Variants in VPS13B observed in about 807,000 individuals in gnomAD.
VPS13B encodes intermembrane lipid transfer protein VPS13B.
Under a neutral mutation model 426.4 loss-of-function variants are expected in VPS13B, and 285 were observed. The ratio of observed to expected loss-of-function variants is 0.67; its 90% CI spans 0.61 to 0.74. VPS13B has a LOEUF of 0.74. Ranked by LOEUF, VPS13B falls within the 30% of genes least tolerant of loss-of-function variation. The pLI is 0.00. For synonymous variants in VPS13B, 1,676 were observed against 1,676.4 expected (o/e 1.00, Z 0.01); for missense variants, 4,537 against 4,782.6 (o/e 0.95, Z 1.51).
rs976129659 is a variant in VPS13B at position 99,577,619 on chromosome 8, A to G, written c.5206A>G (p.Asn1736Asp). 1 of 1,613,594 alleles carries G rather than the reference A, an allele frequency of 6.2e-7. No homozygotes were observed. Among genetic ancestry groups the G allele is most frequent in the African/African-American group, 1.3e-5 (1 of 74,918 alleles). Reference sequence around the variant, plus strand: ...AAATATGACTGGACTGGAACCATCAAACAAGGCTGCAGAGGTAACTGTTAC... The same window carrying G: ...AAATATGACTGGACTGGAACCATCAGACAAGGCTGCAGAGGTAACTGTTAC... ...VANMTGLEPS[N>D]KAAEISKQEQ... The change falls in exon 33 of 62, where the codon AAC becomes GAC. Residue 1736 changes from asparagine to aspartate, a missense_variant. By Grantham distance (23) the Asn-to-Asp change is conservative (BLOSUM62 1). Around this residue, in one of 2 missense-constraint regions of VPS13B, gnomAD observed 4,311 missense variants for 4,474.3 expected, o/e 0.96. Transcript: ENST00000357162.
In VPS13B at chr8:99,667,671, C is replaced by T. The variant is rs192917126; in HGVS notation, c.6046+6180C>T. Among the ~76,000 whole-genome samples, 4 of 152,222 alleles carry T rather than the reference C, an allele frequency of 2.6e-5. 1 individual carries two copies. The highest frequency in any genetic ancestry group is 2.6e-4 in the Admixed American group (4 of 15,290). Reference sequence around the variant, plus strand: ...TAGAGTAGATAAGTAGATGTTATTTCATAGAGTAATTATATTGTCTCACTA... The same window carrying T: ...TAGAGTAGATAAGTAGATGTTATTTTATAGAGTAATTATATTGTCTCACTA... On this transcript the variant is annotated intron_variant, in intron 35 of 61. Transcript: ENST00000357162.
chr8:99,117,256 A>G (rs1847705758), intron 7 of VPS13B, among the ~76,000 whole-genome samples: 1 of 152,210 alleles, frequency 6.6e-6, no homozygotes, highest in Non-Finnish European at 1.5e-5. Context: ...ACCACTTCAC[A>G]GGTACTAGAT....
intron 2 of VPS13B, among the ~76,000 whole-genome samples, chr8:99,028,508 C>T (rs1434490196): frequency 3.4e-5 from 2 of 58,452 alleles, no homozygotes; most frequent in East Asian, 7.6e-4. Flanking sequence ...GGCGGCTGGC[C>T]GGGCGGGGGG....
At chr8:99,353,704 T>A (rs11998086) in intron 19 of VPS13B, among the ~76,000 whole-genome samples, 1 of 152,156 alleles carries the variant, frequency 6.6e-6, no homozygotes, top group African/African-American at 2.4e-5. Context: ...CTGCTTATTG[T>A]CATTCCATTT....
intron 44 of VPS13B, among the ~76,000 whole-genome samples, chr8:99,813,791 CAAT>C (rs1022228702): frequency 6.6e-6 from 1 of 152,158 alleles, no homozygotes; most frequent in Non-Finnish European, 1.5e-5. Context: ...ATTAAAACAA[CAAT>C]GACATTTAAT....
rs192184712 is a variant in VPS13B, at chr8:99,842,029, C to T, written c.9942+6291C>T. ...CCTGTTCCCCCTCTACAGGCCAGGG[C>T]TCAATCACCTCTTCCCGCCTTTCAA... is the stretch of plus-strand genomic sequence containing the variant. On this transcript the variant is annotated intron_variant, in intron 54 of 61. Coordinates refer to ENST00000357162, the MANE Select transcript of VPS13B (RefSeq NM_152564.5). Among the ~76,000 whole-genome samples the T allele has an allele frequency of 3.2e-3, 481 of 152,316 alleles. 3 individuals carry two copies. Among genetic ancestry groups the T allele is most frequent in the African/African-American group, 0.011 (454 of 41,566 alleles).
chr8:99,046,721 A>G (rs1048935085), intron 3 of VPS13B, among the ~76,000 whole-genome samples: 2 of 152,142 alleles, frequency 1.3e-5, no homozygotes, highest in Non-Finnish European at 2.9e-5. Context: ...TGTTACTTGT[A>G]TGCCAATTTT....
At chr8:99,700,950 A>G (rs1377676290) in intron 36 of VPS13B, among the ~76,000 whole-genome samples, 1 of 152,180 alleles carries the variant, frequency 6.6e-6, no homozygotes, top group South Asian at 2.1e-4. Flanking sequence ...GGATAAAGCA[A>G]ATCCTTATAT....
intron 33 of VPS13B, among the ~76,000 whole-genome samples, chr8:99,635,964 T>C (rs767980400): frequency 1.3e-5 from 2 of 151,968 alleles, no homozygotes; most frequent in African/African-American, 4.8e-5. Context: ...TTAGCTACAG[T>C]TGGTTAGCTA....
intron 17 of VPS13B, among the ~76,000 whole-genome samples, chr8:99,261,541 T>A (rs1011841751): frequency 1.3e-5 from 2 of 152,166 alleles, no homozygotes; most frequent in Non-Finnish European, 2.9e-5. Flanking sequence ...TTTGCAGGTT[T>A]TTGTGTGGAC....
At chr8:99,317,704 G>GAAT (rs1347857811) in intron 19 of VPS13B, among the ~76,000 whole-genome samples, 2 of 151,774 alleles carry the variant, frequency 1.3e-5, no homozygotes, top group African/African-American at 4.8e-5. Flanking sequence ...AAAATATCTT[G>GAAT]AATAATAATA....
intron 19 of VPS13B, among the ~76,000 whole-genome samples, chr8:99,310,760 T>C (rs1296661614): frequency 6.6e-6 from 1 of 152,196 alleles, no homozygotes; most frequent in African/African-American, 2.4e-5. Context: ...TCAGAAGGAA[T>C]GGTACCAGCT....
chr8:99,254,819 T>C (rs1166486818), intron 17 of VPS13B, among the ~76,000 whole-genome samples: 1 of 151,966 alleles, frequency 6.6e-6, no homozygotes, highest in African/African-American at 2.4e-5. Context: ...ATTTTTGTAT[T>C]GTTATTAGAG....
At chr8:99,102,453 T>A (rs533386641) in intron 4 of VPS13B, among the ~76,000 whole-genome samples, 23 of 152,276 alleles carry the variant, frequency 1.5e-4, no homozygotes, top group African/African-American at 5.3e-4. Context: ...GTTTCTTCTA[T>A]CCGAGGCATA....
At chr8:99,410,089 A>G (rs1815550336) in intron 21 of VPS13B, among the ~76,000 whole-genome samples, 4 of 152,220 alleles carry the variant, frequency 2.6e-5, no homozygotes, top group Non-Finnish European at 5.9e-5. Flanking sequence ...TCTACCATTT[A>G]TCTCTGTAAC....
At position 99,297,264 on chromosome 8, in the gene VPS13B, G is replaced by T. The variant is rs191170370; in HGVS notation, c.2824+22010G>T. Among the ~76,000 whole-genome samples, 39 of 152,174 alleles carry T rather than the reference G, an allele frequency of 2.6e-4. 1 individual carries two copies. The East Asian group carries it at 5.8e-3, about 23-fold the overall frequency. ...ATTGGCTATTGTTTCATTTTAGGCAGCCCTTTTTGAGATGCGCATAGGAGC... is the reference window on the plus strand; with the variant it reads ...ATTGGCTATTGTTTCATTTTAGGCATCCCTTTTTGAGATGCGCATAGGAGC... On this transcript the variant is annotated intron_variant, in intron 19 of 61. Coordinates refer to ENST00000357162, the MANE Select transcript of VPS13B (RefSeq NM_152564.5).
chr8:99,464,765 T>G (rs2133501818), intron 23 of VPS13B, among the ~76,000 whole-genome samples: 1 of 152,294 alleles, frequency 6.6e-6, no homozygotes, highest in Non-Finnish European at 1.5e-5. Context: ...TGGTTGTTCT[T>G]TATTTATTCA....
At position 99,261,387 on chromosome 8, in the gene VPS13B, G is replaced by A. The variant is rs368650369; in HGVS notation, c.2516-12811G>A. On this transcript the variant is annotated intron_variant, in intron 17 of 61. Transcript: ENST00000357162. The stretch of plus-strand genomic sequence containing the variant: ...TTTTCACATTCTCTTAGTAATGTGC[G>A]TTATCATGGCTTGATAGCTCATTTC... 1.6e-3 allele frequency among the ~76,000 whole-genome samples: 246 copies of A among 152,032 alleles called. 1 individual carries two copies. The highest frequency in any genetic ancestry group is 5.4e-3 in the African/African-American group (226 of 41,484).
At chr8:99,513,783 G>A (rs865853855) in intron 29 of VPS13B, among the ~76,000 whole-genome samples, 63 of 152,132 alleles carry the variant, frequency 4.1e-4, no homozygotes, top group Admixed American at 4.6e-4. Flanking sequence ...ACTTGACCAA[G>A]AATATGATAC....
Sources: allele counts gnomAD v4.1 joint callset (sites outside exome capture counted in the v4.1 genomes callset), GRCh38; gene constraint gnomAD v4.1.1; regional missense constraint gnomAD v4.1.1; transcripts MANE v1.5; gene names NCBI Gene and HGNC (gene_info 2026-07-23, HGNC 2026-07-21).